INTS9: variants seen among roughly 807,000 people sequenced by gnomAD.
INTS9 encodes the protein integrator complex subunit 9.
INTS9 carries 55 observed loss-of-function variants against 79.7 expected under a neutral mutation model. The observed-to-expected ratio is 0.69, with a 90% confidence interval of 0.56 to 0.86. The LOEUF (loss-of-function observed/expected upper bound fraction) is 0.86, where lower values mean the gene tolerates loss of function less well. INTS9 is among the 40% of genes least tolerant of loss of function. The pLI is 0.00. For missense variants in INTS9, 721 were observed against 831.5 expected (o/e 0.87, Z 1.64); for synonymous variants, 319 against 325.2 (o/e 0.98, Z 0.20).
At chr8:28,784,820 C>T (rs1803486301) in intron 11 of INTS9, among the ~76,000 whole-genome samples, 1 of 152,044 alleles carries the variant, frequency 6.6e-6, no homozygotes, top group Non-Finnish European at 1.5e-5. Flanking sequence ...ACAACACTGC[C>T]CCCTCTCATC....
chr8:28,770,903 A>G (rs241175), intron 15 of INTS9, 79 bp downstream of exon 15: 411,474 of 980,742 alleles, frequency 0.42, 91,243 homozygotes, highest in African/African-American at 0.74. Flanking sequence ...ATGAAGCGCT[A>G]TTTCAAATAT....
intron 1 of INTS9, among the ~76,000 whole-genome samples, chr8:28,867,439 G>T (rs991917993): frequency 1.3e-5 from 2 of 151,576 alleles, no homozygotes; most frequent in African/African-American, 2.4e-5. Flanking sequence ...TTAGCCAGGT[G>T]TGGTGGCGTG....
rs79895168 is a variant in INTS9 at position 28,814,591 on chromosome 8, C to A, written c.489-979G>T. 3.7e-3 allele frequency among the ~76,000 whole-genome samples: 557 copies of A among 152,318 alleles called. 2 individuals carry two copies. The highest frequency in any genetic ancestry group is 0.012 in the African/African-American group (508 of 41,560). On this transcript the variant is annotated intron_variant, in intron 6 of 16. Coordinates refer to ENST00000521022, the MANE Select transcript of INTS9 (RefSeq NM_018250.4). ...ATACTTAGAACCTTCCAGATCTCCT[C>A]ATTCCTTCCATATAGCTCAGCAGAT...
intron 1 of INTS9, among the ~76,000 whole-genome samples, chr8:28,878,201 A>G (rs1809495712): frequency 6.6e-6 from 1 of 152,236 alleles, no homozygotes; most frequent in Non-Finnish European, 1.5e-5. Context: ...GATGAAAACT[A>G]TATACATGTA....
chr8:28,877,086 C>A lies in INTS9; in HGVS notation c.9+12788G>T, dbSNP rs187516508. 3.0e-3 allele frequency among the ~76,000 whole-genome samples: 457 copies of A among 152,072 alleles called. 3 individuals carry two copies. The highest frequency in any genetic ancestry group is 0.014 in the Middle Eastern group (4 of 294). ...AGGATTTTACTGTGAACTAATAATT[C>A]TAAATTTATACAAAATGTAAAAATC... On this transcript the variant is annotated intron_variant, in intron 1 of 16. Coordinates refer to ENST00000521022, the MANE Select transcript of INTS9 (RefSeq NM_018250.4).
At chr8:28,856,084 AC>A (rs1389826329) in intron 2 of INTS9, among the ~76,000 whole-genome samples, 1 of 152,232 alleles carries the variant, frequency 6.6e-6, no homozygotes, top group Non-Finnish European at 1.5e-5. Context: ...CTTGATTGAG[AC>A]AGGGTCAAGA....
Position 28,838,634 on chromosome 8 carries a change from C to A in INTS9, c.262-858G>T, listed in dbSNP as rs1213462633. Among the ~76,000 whole-genome samples, 3 of 152,116 alleles carry A rather than the reference C, an allele frequency of 2.0e-5. No individual in the cohort carries two copies. In the East Asian group the frequency reaches 5.8e-4, roughly 29 times the overall value. On this transcript the variant is annotated intron_variant, in intron 4 of 16. Transcript: ENST00000521022. ...TAACTCAATTTTTAACTTTTTATTT[C>A]TTTTTGAGACAGAGTAGCTGGGATT...
At chr8:28,870,164 C>CAT (rs775362239) in intron 1 of INTS9, among the ~76,000 whole-genome samples, 30 of 151,554 alleles carry the variant, frequency 2.0e-4, no homozygotes, top group South Asian at 2.1e-4. Context: ...CTGTTTGTTA[C>CAT]ATATATATAT....
At chr8:28,877,578 A>G (rs892527162) in intron 1 of INTS9, among the ~76,000 whole-genome samples, 2 of 152,158 alleles carry the variant, frequency 1.3e-5, no homozygotes, top group African/African-American at 4.8e-5. Context: ...TGTACTCCCT[A>G]AGAGGCTCAA....
intron 11 of INTS9, among the ~76,000 whole-genome samples, chr8:28,786,928 A>G (rs1156309957): frequency 1.3e-5 from 2 of 152,040 alleles, no homozygotes; most frequent in Admixed American, 6.6e-5. Context: ...TGTGTTAGCC[A>G]GGATGGTCTC....
chr8:28,875,383 T>C (rs1044615072), intron 1 of INTS9, among the ~76,000 whole-genome samples: 1 of 152,244 alleles, frequency 6.6e-6, no homozygotes, highest in Non-Finnish European at 1.5e-5. Flanking sequence ...CTACTTGTAA[T>C]AACACATAAC....
chr8:28,841,298 C>T (rs1346852865), intron 4 of INTS9, among the ~76,000 whole-genome samples: 1 of 152,160 alleles, frequency 6.6e-6, no homozygotes, highest in Admixed American at 6.5e-5. Context: ...CCTCCCCTAG[C>T]ATCATTTTTA....
chr8:28,814,001 G>A (rs747082942), intron 6 of INTS9, among the ~76,000 whole-genome samples: 1 of 151,414 alleles, frequency 6.6e-6, no homozygotes, highest in Middle Eastern at 3.4e-3. Context: ...CCTTGTGATA[G>A]GCCCAACTCG....
At position 28,812,431 on chromosome 8, in the gene INTS9, G is replaced by A. The variant is rs1187606270; in HGVS notation, c.640C>T (p.Leu214=). The A allele has an allele frequency of 6.2e-7, 1 of 1,614,154 alleles. No individual in the cohort carries two copies. The highest frequency in any genetic ancestry group is 1.1e-5 in the South Asian group (1 of 91,086). Residue 214 remains leucine (L), a synonymous_variant, in exon 8 of 17, where the codon CTG becomes TTG. Coordinates refer to ENST00000521022, the MANE Select transcript of INTS9 (RefSeq NM_018250.4). ...CTCCCAAGGGCATAGCCAGAGCTCA[G>A]AGGAGTCACCTGGACCGCACCAAAA... ...ELFGAVQVTP[L]SSGYALGSSN... is the part of the protein sequence containing the mutation.
intron 8 of INTS9, chr8:28,796,857 C>T (rs765653439): frequency 1.6e-5 from 8 of 503,576 alleles, no homozygotes; most frequent in Non-Finnish European, 2.9e-5. Context: ...CAAGAGGGAG[C>T]TTTATAAGGG....
At chr8:28,821,643 G>A (rs1172817557) in intron 6 of INTS9, among the ~76,000 whole-genome samples, 1 of 152,194 alleles carries the variant, frequency 6.6e-6, no homozygotes, top group African/African-American at 2.4e-5. Flanking sequence ...TTGGACTGGA[G>A]CTTTTGAGTT....
chr8:28,834,212 T>A (rs759518322), intron 6 of INTS9, among the ~76,000 whole-genome samples: 5 of 152,314 alleles, frequency 3.3e-5, no homozygotes, highest in Non-Finnish European at 7.3e-5. Flanking sequence ...AGATCAAGGC[T>A]TTGTCATCTC....
intron 14 of INTS9, among the ~76,000 whole-genome samples, chr8:28,775,239 G>T (rs1802796158): frequency 6.6e-6 from 1 of 152,162 alleles, no homozygotes; most frequent in Non-Finnish European, 1.5e-5. Context: ...TGAATGCTAG[G>T]TAAGGAGCAG....
At chr8:28,838,132 CG>C (rs1563287400) in intron 4 of INTS9, among the ~76,000 whole-genome samples, 1 of 151,890 alleles carries the variant, frequency 6.6e-6, no homozygotes, top group Non-Finnish European at 1.5e-5. Flanking sequence ...AGCATACAGG[CG>C]GCAAGCACAC....
Sources: gnomAD v4.1 joint callset for allele counts (sites outside exome capture counted in the v4.1 genomes callset) on GRCh38, gnomAD v4.1.1 for gene constraint, MANE v1.5 for transcripts, NCBI Gene and HGNC (gene_info 2026-07-23, HGNC 2026-07-21) for gene names.